TOX: variants seen among roughly 807,000 people sequenced by gnomAD.
The protein encoded by TOX is thymocyte selection associated high mobility group box.
A neutral mutation model predicts 53.7 loss-of-function variants in TOX; 11 were observed. That is an observed-to-expected ratio of 0.20 (90% CI 0.13 to 0.34). TOX has a LOEUF of 0.34. Ranked by LOEUF, TOX falls within the 10% of genes least tolerant of loss-of-function variation. The pLI, the probability that TOX is intolerant of heterozygous loss-of-function variation, is 1.00. For synonymous variants in TOX, 225 were observed against 245.3 expected, an observed-to-expected ratio of 0.92 and a Z score of 0.77; for missense variants, 570 against 664.6, an observed-to-expected ratio of 0.86 and a Z score of 1.56.
At chr8:58,936,228 C>T (rs1282916039) in intron 3 of TOX, among the ~76,000 whole-genome samples, 1 of 152,194 alleles carries the variant, frequency 6.6e-6, no homozygotes, top group Non-Finnish European at 1.5e-5. Flanking sequence ...TTTGAACACT[C>T]TCCAACATGC....
chr8:59,098,453 T>C (rs1222309417), intron 1 of TOX, among the ~76,000 whole-genome samples: 1 of 152,044 alleles, frequency 6.6e-6, no homozygotes, highest in African/African-American at 2.4e-5. Context: ...ACCAAAACCT[T>C]CTGGAAGTCA....
chr8:59,023,725 C>G (rs1814182338), intron 1 of TOX, among the ~76,000 whole-genome samples: 1 of 152,132 alleles, frequency 6.6e-6, no homozygotes, highest in South Asian at 2.1e-4. Flanking sequence ...CTTTTCTCAC[C>G]TACAAAATGG....
chr8:59,112,878 A>C (rs78125127), intron 1 of TOX, among the ~76,000 whole-genome samples: 17,064 of 152,216 alleles, frequency 0.11, 1,320 homozygotes, highest in East Asian at 0.31. Context: ...TCTAAACAAC[A>C]AGTGATCATA....
At chr8:59,088,192 T>C (rs1804547648) in intron 1 of TOX, among the ~76,000 whole-genome samples, 1 of 152,210 alleles carries the variant, frequency 6.6e-6, no homozygotes, top group Admixed American at 6.5e-5. Context: ...TATGGCTATA[T>C]CTTAATTCAG....
At chr8:58,993,935 G>GCATAAAGA (rs1813505444) in intron 1 of TOX, among the ~76,000 whole-genome samples, 1 of 152,046 alleles carries the variant, frequency 6.6e-6, no homozygotes, top group African/African-American at 2.4e-5. Context: ...TGCCATGGCA[G>GCATAAAGA]CATAAAGACG....
At chr8:59,060,620 T>C (rs1563433503) in intron 1 of TOX, among the ~76,000 whole-genome samples, 2 of 152,084 alleles carry the variant, frequency 1.3e-5, no homozygotes, top group Non-Finnish European at 2.9e-5. Flanking sequence ...GAGCGAGACT[T>C]CATCTCAAAA....
At chr8:59,002,617 AC>A (rs1048027534) in intron 1 of TOX, among the ~76,000 whole-genome samples, 9 of 151,400 alleles carry the variant, frequency 5.9e-5, no homozygotes, top group African/African-American at 1.2e-4. Context: ...CAAAAAAAAA[AC>A]AAACAAAAAA....
chr8:59,061,064 A>G (rs1438649766), intron 1 of TOX, among the ~76,000 whole-genome samples: 1 of 152,252 alleles, frequency 6.6e-6, no homozygotes, highest in Non-Finnish European at 1.5e-5. Context: ...TGAGATATGA[A>G]TAAGTCAGCA....
At chr8:59,083,312 C>T (rs1804444498) in intron 1 of TOX, among the ~76,000 whole-genome samples, 1 of 152,144 alleles carries the variant, frequency 6.6e-6, no homozygotes, top group African/African-American at 2.4e-5. Flanking sequence ...ATGCTAGCTG[C>T]ATCAATTTTA....
intron 1 of TOX, among the ~76,000 whole-genome samples, chr8:59,051,695 A>AATT (rs1409651648): frequency 6.6e-6 from 1 of 152,268 alleles, no homozygotes; most frequent in African/African-American, 2.4e-5. Context: ...AACTTTCGTA[A>AATT]ACAATCTGGG....
intron 3 of TOX, among the ~76,000 whole-genome samples, chr8:58,907,372 C>G (rs1461186940): frequency 6.6e-6 from 1 of 151,392 alleles, no homozygotes; most frequent in Non-Finnish European, 1.5e-5. Flanking sequence ...TTCAGGCAGA[C>G]CACCTGAGGT....
At chr8:59,005,983 T>G (rs1392011728) in intron 1 of TOX, among the ~76,000 whole-genome samples, 3 of 152,254 alleles carry the variant, frequency 2.0e-5, no homozygotes, top group Non-Finnish European at 2.9e-5. Flanking sequence ...GGCCCTTGGC[T>G]GCTGTCCATG....
chr8:58,869,148 A>C (rs1168493948), intron 3 of TOX, among the ~76,000 whole-genome samples: 1 of 149,050 alleles, frequency 6.7e-6, no homozygotes, highest in Non-Finnish European at 1.5e-5. Flanking sequence ...AATCACTTGA[A>C]CCCGGGAGGC....
intron 1 of TOX, among the ~76,000 whole-genome samples, chr8:59,114,626 G>A (rs1805070769): frequency 6.6e-6 from 1 of 152,130 alleles, no homozygotes; most frequent in Admixed American, 6.5e-5. Context: ...AGTTATGGAG[G>A]TGGATGAAGA....
chr8:58,859,060 C>T (rs1234141592), intron 3 of TOX, among the ~76,000 whole-genome samples: 19 of 151,922 alleles, frequency 1.3e-4, no homozygotes, highest in Admixed American at 1.2e-3. Flanking sequence ...AATGCATTTC[C>T]GAGAGAGCTT....
intron 1 of TOX, among the ~76,000 whole-genome samples, chr8:59,096,273 C>T (rs1260584029): frequency 6.6e-6 from 1 of 152,144 alleles, no homozygotes; most frequent in East Asian, 1.9e-4. Context: ...GTATTAGTGG[C>T]CATTTGAGGA....
At chr8:58,994,556 A>G (rs1480413656) in intron 1 of TOX, among the ~76,000 whole-genome samples, 1 of 152,064 alleles carries the variant, frequency 6.6e-6, no homozygotes, top group Non-Finnish European at 1.5e-5. Flanking sequence ...ATGACTGGTA[A>G]TTTCCTAATG....
intron 6 of TOX, among the ~76,000 whole-genome samples, chr8:58,823,216 C>G (rs761314231): frequency 3.3e-5 from 5 of 151,988 alleles, no homozygotes; most frequent in Admixed American, 6.6e-5. Flanking sequence ...GTATATAGCA[C>G]TTTTTTATTT....
At chr8:58,838,570 T>A (rs1810588680) in intron 4 of TOX, among the ~76,000 whole-genome samples, 1 of 152,156 alleles carries the variant, frequency 6.6e-6, no homozygotes, top group Non-Finnish European at 1.5e-5. Flanking sequence ...ATTACACTAT[T>A]AAATACAACC....
Sources: allele counts gnomAD v4.1 joint callset (sites outside exome capture counted in the v4.1 genomes callset), GRCh38; gene constraint gnomAD v4.1.1; transcripts MANE v1.5; gene names NCBI Gene and HGNC (gene_info 2026-07-23, HGNC 2026-07-21).